Variants in MTUS2 observed in about 807,000 individuals in gnomAD.
MTUS2 encodes microtubule associated scaffold protein 2.
In MTUS2, 40 loss-of-function variants were observed where a neutral mutation model predicts 114.1. The ratio of observed to expected loss-of-function variants is 0.35; its 90% CI spans 0.27 to 0.46. The LOEUF is 0.46. Among genes scored for constraint, MTUS2 ranks in the 20% least tolerant of loss-of-function variants. The pLI is 1.00. For synonymous variants in MTUS2, 688 were observed against 672.0 expected (o/e 1.02, Z -0.37); for missense variants, 1,679 against 1,705.4 (o/e 0.98, Z 0.27).
intron 4 of MTUS2, among the ~76,000 whole-genome samples, chr13:29,052,142 T>C (rs1336535767): frequency 6.6e-6 from 1 of 152,178 alleles, no homozygotes; most frequent in Non-Finnish European, 1.5e-5. Flanking sequence ...TTACAAAATA[T>C]TGTCTGCAGT....
intron 6 of MTUS2, among the ~76,000 whole-genome samples, chr13:29,304,453 A>G (rs984076943): frequency 2.0e-5 from 3 of 152,078 alleles, no homozygotes; most frequent in African/African-American, 7.2e-5. Flanking sequence ...ATTTTACCAC[A>G]CTAATGGAAA....
chr13:29,188,230 C>G (rs1333816364), intron 5 of MTUS2, among the ~76,000 whole-genome samples: 1 of 152,116 alleles, frequency 6.6e-6, no homozygotes, highest in East Asian at 1.9e-4. Flanking sequence ...GCTCTTCAGA[C>G]ATGGGAACTG....
chr13:29,300,622 A>G (rs1593277379), intron 6 of MTUS2, among the ~76,000 whole-genome samples: 1 of 151,552 alleles, frequency 6.6e-6, no homozygotes, highest in Non-Finnish European at 1.5e-5. Context: ...TCAGACTTAT[A>G]TATTCTACTA....
At chr13:29,142,488 G>A (rs1402151068) in intron 5 of MTUS2, among the ~76,000 whole-genome samples, 1 of 152,168 alleles carries the variant, frequency 6.6e-6, no homozygotes, top group Non-Finnish European at 1.5e-5. Context: ...TGGATCACCT[G>A]AGGTCAGGAG....
intron 5 of MTUS2, among the ~76,000 whole-genome samples, chr13:29,266,517 C>T (rs1353682729): frequency 6.6e-6 from 1 of 152,046 alleles, no homozygotes; most frequent in South Asian, 2.1e-4. Context: ...AGAAATTATC[C>T]CCCCCACACA....
At chr13:29,299,215 G>A (rs1396518233) in intron 6 of MTUS2, among the ~76,000 whole-genome samples, 1 of 152,172 alleles carries the variant, frequency 6.6e-6, no homozygotes, top group African/African-American at 2.4e-5. Flanking sequence ...AGCCACATGA[G>A]TGCATGTCTT....
chr13:29,411,485 G>A (rs752643803), intron 8 of MTUS2, among the ~76,000 whole-genome samples: 32 of 152,322 alleles, frequency 2.1e-4, no homozygotes, highest in Non-Finnish European at 3.2e-4. Context: ...TTTGTGGTAT[G>A]TTTTAATGTC....
chr13:29,232,789 G>A (rs1202596372), intron 5 of MTUS2, among the ~76,000 whole-genome samples: 1 of 152,154 alleles, frequency 6.6e-6, no homozygotes, highest in Non-Finnish European at 1.5e-5. Flanking sequence ...TTTAGTTCAG[G>A]TAGGTAGAAA....
Position 28,940,021 on chromosome 13 carries a change from T to C in MTUS2, c.-242-84436T>C, listed in dbSNP as rs1266170600. 3.3e-5 allele frequency among the ~76,000 whole-genome samples: 5 copies of C among 152,244 alleles called. No homozygotes were observed. The East Asian group carries it at 9.7e-4, about 29-fold the overall frequency. On this transcript the variant is annotated intron_variant, in intron 2 of 15. Transcript: ENST00000612955. ...ATCATGAGAACACAATTGAAAGACC[T>C]GCCCCCTTGACTCAGTTACCTCCCA...
At chr13:29,297,841 C>A (rs1042064373) in intron 6 of MTUS2, among the ~76,000 whole-genome samples, 1 of 151,678 alleles carries the variant, frequency 6.6e-6, no homozygotes, top group East Asian at 1.9e-4. Context: ...GAAAGTGTTG[C>A]GGATTTAGTG....
intron 2 of MTUS2, among the ~76,000 whole-genome samples, chr13:28,842,268 G>T (rs929509719): frequency 6.6e-6 from 1 of 152,012 alleles, no homozygotes; most frequent in Admixed American, 6.6e-5. Context: ...AGATAAAGAA[G>T]ACTTAGATCA....
At chr13:29,200,078 T>C (rs1241535041) in intron 5 of MTUS2, among the ~76,000 whole-genome samples, 1 of 152,054 alleles carries the variant, frequency 6.6e-6, no homozygotes, top group Non-Finnish European at 1.5e-5. Flanking sequence ...TTCTTCTCTC[T>C]TTTCTTCTTT....
chr13:29,056,313 C>T (rs1364396130), intron 4 of MTUS2, among the ~76,000 whole-genome samples: 1 of 151,900 alleles, frequency 6.6e-6, no homozygotes, highest in Non-Finnish European at 1.5e-5. Context: ...TAGCCAGTTA[C>T]CCCAGCGCCA....
chr13:28,842,040 T>C (rs947246), intron 2 of MTUS2, among the ~76,000 whole-genome samples: 123,126 of 152,138 alleles, frequency 0.81, 50,321 homozygotes, highest in African/African-American at 0.86. Flanking sequence ...CCCCTCTATG[T>C]GTATGGTGGA....
intron 4 of MTUS2, among the ~76,000 whole-genome samples, chr13:29,045,819 C>T (rs1464959564): frequency 6.6e-6 from 1 of 152,114 alleles, no homozygotes; most frequent in Non-Finnish European, 1.5e-5. Context: ...TTCTGGGTGG[C>T]TCATTTAAGG....
intron 4 of MTUS2, among the ~76,000 whole-genome samples, chr13:29,055,136 A>G (rs1257944469): frequency 6.6e-6 from 1 of 152,072 alleles, no homozygotes; most frequent in Non-Finnish European, 1.5e-5. Flanking sequence ...AGAATGCTAA[A>G]ATTTCTAGAT....
In MTUS2 at chr13:29,389,587, A is replaced by G. The variant is rs545482727; in HGVS notation, c.3117+30114A>G. Among the ~76,000 whole-genome samples the G allele has an allele frequency of 1.7e-3, 180 of 108,190 alleles. 21 individuals carry two copies. The highest frequency in any genetic ancestry group is 6.8e-3 in the African/African-American group (166 of 24,452). 71.0% of individuals were successfully genotyped at this position (108,190 alleles called of 152,430 possible). A position where few individuals can be genotyped will look rare whatever the true frequency, so the allele number is the denominator to read the frequency against. On this transcript the variant is annotated intron_variant, in intron 8 of 15. Transcript: ENST00000612955. ...TATGTGTACATATGTGTGTATACGT[A>G]TACATATGTGTGTATACGTATACAT...
Position 29,204,695 on chromosome 13 carries a change from A to T in MTUS2, c.2645-77009A>T, listed in dbSNP as rs1045777249. Among the ~76,000 whole-genome samples the T allele has an allele frequency of 2.0e-5, 3 of 152,240 alleles. 1 individual carries two copies. The highest frequency in any genetic ancestry group is 2.0e-4 in the Admixed American group (3 of 15,286). Reference sequence around the variant, plus strand: ...GGCCAGCCCAGAAACCAGCTCAGGTAGCCGCCCATGACAGCAGTGTAGTAG... The same window carrying T: ...GGCCAGCCCAGAAACCAGCTCAGGTTGCCGCCCATGACAGCAGTGTAGTAG... On this transcript the variant is annotated intron_variant, in intron 5 of 15. Transcript: ENST00000612955.
At chr13:28,939,890 G>A (rs1566238241) in intron 2 of MTUS2, among the ~76,000 whole-genome samples, 1 of 152,186 alleles carries the variant, frequency 6.6e-6, no homozygotes, top group Non-Finnish European at 1.5e-5. Flanking sequence ...ATGGTGGAAG[G>A]TGAAGGAGGA....
Sources: gnomAD v4.1 joint callset for allele counts (sites outside exome capture counted in the v4.1 genomes callset) on GRCh38, gnomAD v4.1.1 for gene constraint, MANE v1.5 for transcripts, NCBI Gene and HGNC (gene_info 2026-07-23, HGNC 2026-07-21) for gene names.